Variants in CFAP77 observed in about 807,000 individuals in gnomAD.
The protein encoded by CFAP77 is cilia- and flagella-associated protein 77.
CFAP77 carries 25 observed loss-of-function variants against 31.1 expected under a neutral mutation model. The observed-to-expected ratio is 0.80, with a 90% confidence interval of 0.59 to 1.12. The LOEUF is 1.12. Ranked by LOEUF, CFAP77 falls within the 50% of genes most tolerant of loss-of-function variation. The probability of loss-of-function intolerance (pLI) is 0.00; values close to 1 mark genes in which losing one functional copy is unlikely to be tolerated. For missense variants in CFAP77, 377 were observed against 397.3 expected (o/e 0.95, Z 0.44); for synonymous variants, 151 against 159.9 (o/e 0.94, Z 0.42).
At chr9:132,476,895 G>C (rs752381018) in intron 1 of CFAP77, among the ~76,000 whole-genome samples, 30 of 152,164 alleles carry the variant, frequency 2.0e-4, no homozygotes, top group Non-Finnish European at 4.4e-4. Context: ...TGAGATTTCT[G>C]CTGCCTTCAG....
At chr9:132,429,153 T>A (rs993404761) in intron 1 of CFAP77, among the ~76,000 whole-genome samples, 10 of 152,034 alleles carry the variant, frequency 6.6e-5, no homozygotes, top group Admixed American at 2.0e-4. Context: ...TGCTAGAGAT[T>A]GCGGAGGAGA....
chr9:132,476,834 G>A (rs1468568940), intron 1 of CFAP77, among the ~76,000 whole-genome samples: 1 of 152,172 alleles, frequency 6.6e-6, no homozygotes, highest in Non-Finnish European at 1.5e-5. Context: ...AGCCCCAGAA[G>A]GAACCACTGC....
chr9:132,499,814 G>A lies in CFAP77; in HGVS notation c.524+214G>A, dbSNP rs375890501. Among the ~76,000 whole-genome samples the A allele has an allele frequency of 1.2e-4, 19 of 152,274 alleles. No individual in the cohort carries two copies. In the East Asian group the frequency reaches 1.5e-3, roughly 12 times the overall value. ...ATAGCAGGGTACCCTGTAGGGCTGTGCACAGGTCACCCACTTTCCCTTGAT... is the reference window on the plus strand; with the variant it reads ...ATAGCAGGGTACCCTGTAGGGCTGTACACAGGTCACCCACTTTCCCTTGAT... On this transcript the variant is annotated intron_variant, in intron 3 of 5. Coordinates refer to ENST00000393216, the MANE Select transcript of CFAP77 (RefSeq NM_001282957.2). The surrounding 1 kb of genome is among the most constrained non-coding windows in gnomAD (Gnocchi z 5.4).
chr9:132,505,651 C>T (rs1851919320), intron 3 of CFAP77, among the ~76,000 whole-genome samples: 1 of 152,022 alleles, frequency 6.6e-6, no homozygotes, highest in African/African-American at 2.4e-5. Context: ...ATATAAATAC[C>T]TGAATTTTCC....
rs575275120 is a variant in CFAP77, at chr9:132,557,818, A to G, written c.733-14570A>G. Among the ~76,000 whole-genome samples, 5 of 152,168 alleles carry G rather than the reference A, an allele frequency of 3.3e-5. No homozygotes were observed. In the South Asian group the frequency reaches 1.0e-3, roughly 32 times the overall value. ...CCTTGCTCCAACCTACCTGCTGGCT[A>G]CCCCAGGAACGGGTGACCTGAGGTT... On this transcript the variant is annotated intron_variant, in intron 5 of 5. Transcript: ENST00000393216.
rs1044575696 is a variant in CFAP77 at position 132,424,732 on chromosome 9, C to T, written c.195+14266C>T. 3.9e-5 allele frequency among the ~76,000 whole-genome samples: 6 copies of T among 152,296 alleles called. No homozygotes were observed. The highest frequency in any genetic ancestry group is 1.9e-4 in the East Asian group (1 of 5,178). On this transcript the variant is annotated intron_variant, in intron 1 of 5. Coordinates refer to ENST00000393216, the MANE Select transcript of CFAP77 (RefSeq NM_001282957.2). This position sits in a 1 kb window ranked among gnomAD's most constrained non-coding sequence, Gnocchi z 4.1. Reference sequence around the variant, plus strand: ...AGACGCATAGATACCGGGTTTCCCACGGATGTTGGATTTCAGGTTATTCCA... The same window carrying T: ...AGACGCATAGATACCGGGTTTCCCATGGATGTTGGATTTCAGGTTATTCCA...
rs1589904197 is a variant in CFAP77, at chr9:132,521,516, G to A, written c.525-16085G>A. 1.3e-5 allele frequency among the ~76,000 whole-genome samples: 2 copies of A among 152,146 alleles called. 1 individual carries two copies. Among genetic ancestry groups the A allele is most frequent in the South Asian group, 4.1e-4 (2 of 4,830 alleles). ...TGGTGGGAAAGGTGGACCCTGAGCC[G>A]ACTATTATAAAGAACTTCAAACACC... On this transcript the variant is annotated intron_variant, in intron 3 of 5. Transcript: ENST00000393216.
At chr9:132,413,382 T>C (rs975184879) in intron 1 of CFAP77, among the ~76,000 whole-genome samples, 1 of 152,222 alleles carries the variant, frequency 6.6e-6, no homozygotes, top group Non-Finnish European at 1.5e-5. Flanking sequence ...GGTTATTTAA[T>C]AGGAGTGATT....
intron 1 of CFAP77, among the ~76,000 whole-genome samples, chr9:132,463,487 C>T (rs1184947464): frequency 6.6e-6 from 1 of 152,176 alleles, no homozygotes; most frequent in Non-Finnish European, 1.5e-5. Flanking sequence ...CTTGCTGTCC[C>T]CTGGGCCACC....
chr9:132,427,573 CA>C (rs1167775195), intron 1 of CFAP77, among the ~76,000 whole-genome samples: 4 of 152,094 alleles, frequency 2.6e-5, no homozygotes, highest in African/African-American at 4.8e-5. Flanking sequence ...CGAGATCACG[CA>C]ACTGCACTCC....
At position 132,511,044 on chromosome 9, in the gene CFAP77, C is replaced by G. The variant is rs1402809009; in HGVS notation, c.524+11444C>G. ...TTACCTCCGGCCTATGCTGAGAGTT[C>G]ATTTAGTGCCCACCTGTGCTGGGCA... On this transcript the variant is annotated intron_variant, in intron 3 of 5. Coordinates refer to ENST00000393216, the MANE Select transcript of CFAP77 (RefSeq NM_001282957.2). The surrounding 1 kb of genome is among the most constrained non-coding windows in gnomAD (Gnocchi z 5.8). Among the ~76,000 whole-genome samples, 1 of 152,158 alleles carries G rather than the reference C, an allele frequency of 6.6e-6. No individual in the cohort carries two copies. Among genetic ancestry groups the G allele is most frequent in the Non-Finnish European group, 1.5e-5 (1 of 68,016 alleles).
chr9:132,480,958 T>A lies in CFAP77; in HGVS notation c.196-17737T>A, dbSNP rs570401940. ...AAACAAGCCACAGACAGTCCCCGTG[T>A]ATCCACCTTGGGTTGCTTATTTCTT... On this transcript the variant is annotated intron_variant, in intron 1 of 5. Coordinates refer to ENST00000393216, the MANE Select transcript of CFAP77 (RefSeq NM_001282957.2). This position sits in a 1 kb window ranked among gnomAD's most constrained non-coding sequence, Gnocchi z 5.8. Among the ~76,000 whole-genome samples, 1 of 152,294 alleles carries A rather than the reference T, an allele frequency of 6.6e-6. No homozygotes were observed. The highest frequency in any genetic ancestry group is 2.1e-4 in the South Asian group (1 of 4,820).
chr9:132,426,415 T>A (rs2131685472), intron 1 of CFAP77, among the ~76,000 whole-genome samples: 1 of 152,228 alleles, frequency 6.6e-6, no homozygotes, highest in Non-Finnish European at 1.5e-5. Flanking sequence ...GCAACCCAAG[T>A]TGGGGGGAAA....
intron 1 of CFAP77, among the ~76,000 whole-genome samples, chr9:132,447,214 C>G (rs1018106882): frequency 6.6e-6 from 1 of 152,212 alleles, no homozygotes; most frequent in Non-Finnish European, 1.5e-5. Context: ...TGTTTTCCCC[C>G]CTTAAAATCA....
At chr9:132,524,711 T>G (rs181680804) in intron 3 of CFAP77, among the ~76,000 whole-genome samples, 23 of 151,610 alleles carry the variant, frequency 1.5e-4, no homozygotes, top group Middle Eastern at 3.4e-3. Flanking sequence ...TGCAGTGGCG[T>G]GATCTCGGCT....
At chr9:132,571,347 C>A (rs1829957022) in intron 5 of CFAP77, among the ~76,000 whole-genome samples, 1 of 152,148 alleles carries the variant, frequency 6.6e-6, no homozygotes, top group Non-Finnish European at 1.5e-5. Context: ...CCTGGAATCC[C>A]AACCCATCCT....
intron 1 of CFAP77, among the ~76,000 whole-genome samples, chr9:132,437,191 G>A (rs2131697654): frequency 6.6e-6 from 1 of 152,304 alleles, no homozygotes; most frequent in South Asian, 2.1e-4. Context: ...TTGTCCCCAA[G>A]CACTGGTCCT....
intron 4 of CFAP77, among the ~76,000 whole-genome samples, chr9:132,542,144 G>A (rs116114427): frequency 0.015 from 2,238 of 152,280 alleles, 53 homozygotes; most frequent in African/African-American, 0.051. Flanking sequence ...GGGCTACTCC[G>A]CCAGGCCTCT....
intron 1 of CFAP77, among the ~76,000 whole-genome samples, chr9:132,487,962 A>AC (rs565947818): frequency 5.4e-4 from 82 of 152,010 alleles, no homozygotes; most frequent in African/African-American, 8.4e-4. Context: ...ATAATGAACT[A>AC]CCCCCCCATG....
Sources: gnomAD v4.1 joint callset for allele counts (sites outside exome capture counted in the v4.1 genomes callset) on GRCh38, gnomAD v4.1.1 for gene constraint, Gnocchi (gnomAD v3.1) non-coding constraint, MANE v1.5 for transcripts, NCBI Gene and HGNC (gene_info 2026-07-23, HGNC 2026-07-21) for gene names.